The following IMMP2L variants were observed in gnomAD, a reference collection of about 807,000 sequenced individuals.
The protein encoded by IMMP2L is inner mitochondrial membrane peptidase subunit 2, also known as mitochondrial inner membrane protease subunit 2.
IMMP2L carries 18 observed loss-of-function variants against 19.3 expected under a neutral mutation model. The ratio of observed to expected loss-of-function variants is 0.93; its 90% CI spans 0.64 to 1.38. The LOEUF is 1.38. Among genes scored for constraint, IMMP2L ranks in the 40% most tolerant of loss-of-function variants. IMMP2L has a pLI of 0.00. For missense variants in IMMP2L, 233 were observed against 218.2 expected, an observed-to-expected ratio of 1.07 and a Z score of -0.43; for synonymous variants, 76 against 73.0, an observed-to-expected ratio of 1.04 and a Z score of -0.21.
At chr7:111,080,415 T>C (rs1472508730) in intron 3 of IMMP2L, among the ~76,000 whole-genome samples, 1 of 151,794 alleles carries the variant, frequency 6.6e-6, no homozygotes, top group Non-Finnish European at 1.5e-5. Context: ...CACACACGTA[T>C]ATACTTATAT....
chr7:111,264,445 A>G (rs191418392), intron 3 of IMMP2L, among the ~76,000 whole-genome samples: 89 of 152,100 alleles, frequency 5.9e-4, no homozygotes, highest in African/African-American at 2.1e-3. Context: ...TTTTATACAT[A>G]CCCTTTTGGC....
chr7:111,390,706 T>C (rs1036191125), intron 3 of IMMP2L: 4 of 152,176 alleles, frequency 2.6e-5, no homozygotes, highest in Non-Finnish European at 5.9e-5. Flanking sequence ...TGTAGTGAAA[T>C]AGAAATACAA....
At chr7:110,939,238 C>A (rs1034743067) in intron 4 of IMMP2L, among the ~76,000 whole-genome samples, 2 of 152,092 alleles carry the variant, frequency 1.3e-5, no homozygotes, top group African/African-American at 4.8e-5. Flanking sequence ...CCCAGGGAAG[C>A]TTTTACAAAT....
chr7:111,204,051 A>G (rs995087143), intron 3 of IMMP2L, among the ~76,000 whole-genome samples: 1 of 152,186 alleles, frequency 6.6e-6, no homozygotes, highest in Non-Finnish European at 1.5e-5. Flanking sequence ...AAGGAAATAA[A>G]TCTGACATTC....
intron 3 of IMMP2L, among the ~76,000 whole-genome samples, chr7:111,214,440 T>C (rs535569928): frequency 6.8e-6 from 1 of 146,084 alleles, no homozygotes; most frequent in East Asian, 2.0e-4. Context: ...CCTCCTGGGT[T>C]CAAGTGATTC....
intron 3 of IMMP2L, among the ~76,000 whole-genome samples, chr7:111,128,977 C>T (rs907099397): frequency 7.2e-5 from 11 of 152,100 alleles, no homozygotes; most frequent in Admixed American, 5.9e-4. Flanking sequence ...CATATCTTTA[C>T]AAGGAGGAGA....
intron 3 of IMMP2L, among the ~76,000 whole-genome samples, chr7:111,435,387 T>C (rs1470760282): frequency 6.6e-6 from 1 of 151,826 alleles, no homozygotes; most frequent in Non-Finnish European, 1.5e-5. Context: ...GGCAGCAACA[T>C]GGATAGAACT....
chr7:110,730,921 A>G (rs1021126489), intron 5 of IMMP2L, among the ~76,000 whole-genome samples: 1 of 152,186 alleles, frequency 6.6e-6, no homozygotes, highest in Non-Finnish European at 1.5e-5. Context: ...ACTCCCCTTT[A>G]AATTTACATG....
At chr7:111,332,321 AC>A (rs1427130876) in intron 3 of IMMP2L, among the ~76,000 whole-genome samples, 1 of 151,986 alleles carries the variant, frequency 6.6e-6, no homozygotes, top group African/African-American at 2.4e-5. Context: ...TTATAATATG[AC>A]AAAATTAAAA....
At chr7:111,363,452 T>C (rs1379104109) in intron 3 of IMMP2L, among the ~76,000 whole-genome samples, 1 of 152,102 alleles carries the variant, frequency 6.6e-6, no homozygotes, top group Non-Finnish European at 1.5e-5. Flanking sequence ...AGAAATAATA[T>C]TTCCTCCTTT....
chr7:110,714,783 G>C (rs553879617), intron 5 of IMMP2L, among the ~76,000 whole-genome samples: 1 of 152,098 alleles, frequency 6.6e-6, no homozygotes, highest in African/African-American at 2.4e-5. Flanking sequence ...TTTTAGTAGG[G>C]ACAGGGTTTT....
At chr7:111,128,840 T>G (rs138613957) in intron 3 of IMMP2L, among the ~76,000 whole-genome samples, 154 of 152,240 alleles carry the variant, frequency 1.0e-3, no homozygotes, top group African/African-American at 3.6e-3. Flanking sequence ...AAGAGGCATA[T>G]TTAGTTACCA....
chr7:110,820,169 C>A (rs1014573313), intron 5 of IMMP2L, among the ~76,000 whole-genome samples: 1 of 151,996 alleles, frequency 6.6e-6, no homozygotes, highest in Non-Finnish European at 1.5e-5. Context: ...GGGTACAATA[C>A]AAAATCCATC....
intron 5 of IMMP2L, among the ~76,000 whole-genome samples, chr7:110,885,788 C>T (rs896199672): frequency 2.0e-5 from 3 of 151,856 alleles, no homozygotes; most frequent in Non-Finnish European, 2.9e-5. Context: ...GCAGGAGATA[C>T]AATTTTTCAT....
At position 111,123,651 on chromosome 7, in the gene IMMP2L, T is replaced by A; in HGVS notation, c.240-160086A>T. On this transcript the variant is annotated intron_variant, in intron 3 of 5. Coordinates refer to ENST00000405709, the MANE Select transcript of IMMP2L (RefSeq NM_032549.4). The surrounding 1 kb of genome is among the most constrained non-coding windows in gnomAD (Gnocchi z 6.4). The stretch of plus-strand genomic sequence containing the variant: ...ACTTAAAAGAGTTGGGGATAAATAA[T>A]ATGCCTGAGCTGATTTCCATCGATA... 1 of 1,613,950 alleles carries A rather than the reference T, an allele frequency of 6.2e-7. No homozygotes were observed. The highest frequency in any genetic ancestry group is 8.5e-7 in the Non-Finnish European group (1 of 1,179,958).
chr7:110,873,562 G>T (rs921357141), intron 5 of IMMP2L, among the ~76,000 whole-genome samples: 1 of 147,718 alleles, frequency 6.8e-6, no homozygotes, highest in Non-Finnish European at 1.5e-5. Flanking sequence ...TCAGGAGTTC[G>T]ACACAAGCCT....
At chr7:110,739,181 A>C (rs183460857) in intron 5 of IMMP2L, among the ~76,000 whole-genome samples, 6 of 152,280 alleles carry the variant, frequency 3.9e-5, no homozygotes, top group African/African-American at 1.4e-4. Flanking sequence ...CAGGCAACAA[A>C]TAGCACAATG....
chr7:111,047,565 T>G (rs1792525738), intron 3 of IMMP2L, among the ~76,000 whole-genome samples: 1 of 152,172 alleles, frequency 6.6e-6, no homozygotes, highest in Non-Finnish European at 1.5e-5. Context: ...TAGAAGCCTT[T>G]TTCCTTAGTC....
chr7:111,416,174 C>T (rs1834939154), intron 3 of IMMP2L, among the ~76,000 whole-genome samples: 2 of 151,802 alleles, frequency 1.3e-5, no homozygotes, highest in South Asian at 4.1e-4. Flanking sequence ...AAATCATCAG[C>T]TATCCCATTA....
Sources: allele counts gnomAD v4.1 joint callset (sites outside exome capture counted in the v4.1 genomes callset), GRCh38; gene constraint gnomAD v4.1.1; non-coding constraint Gnocchi (gnomAD v3.1); transcripts MANE v1.5; gene names NCBI Gene and HGNC (gene_info 2026-07-23, HGNC 2026-07-21).